Variants in IL1RAPL1 observed in about 807,000 individuals in gnomAD.
IL1RAPL1 encodes the protein interleukin-1 receptor accessory protein-like 1.
A neutral mutation model predicts 48.4 loss-of-function variants in IL1RAPL1; 3 were observed. That is an observed-to-expected ratio of 0.06 (90% CI 0.03 to 0.16). IL1RAPL1 has a LOEUF of 0.16. Ranked by LOEUF, IL1RAPL1 falls within the 10% of genes least tolerant of loss-of-function variation. The probability of loss-of-function intolerance (pLI) is 1.00; values close to 1 mark genes in which losing one functional copy is unlikely to be tolerated. For synonymous variants in IL1RAPL1, 185 were observed against 187.7 expected (o/e 0.99, Z 0.12); for missense variants, 349 against 530.6 (o/e 0.66, Z 3.36).
At chrX:29,399,123 T>A (rs375069613) in intron 4 of IL1RAPL1, 32 bp from the exon 5 acceptor site, 29 of 1,132,124 alleles carry the variant, frequency 2.6e-5, no homozygotes, top group African/African-American at 5.4e-5. Context: ...CATTACTATA[T>A]GTACTACCAA....
chrX:29,029,444 C>A (rs1000954057), intron 2 of IL1RAPL1, among the ~76,000 whole-genome samples: 3 of 111,609 alleles, frequency 2.7e-5, no homozygotes, highest in African/African-American at 9.8e-5. Flanking sequence ...ACTGCCCTTC[C>A]TACTCTTTTC....
intron 5 of IL1RAPL1, among the ~76,000 whole-genome samples, chrX:29,597,609 G>A (rs7473722): frequency 1.8e-5 from 2 of 112,048 alleles, no homozygotes; most frequent in Admixed American, 9.4e-5. Context: ...GAATAGTGTC[G>A]ATAGGATTGG....
At chrX:29,539,760 C>T (rs1326693757) in intron 5 of IL1RAPL1, among the ~76,000 whole-genome samples, 1 of 111,315 alleles carries the variant, frequency 9.0e-6, no homozygotes, top group Non-Finnish European at 1.9e-5. Context: ...TTATAAGTTT[C>T]CTGAGGCCTC....
chrX:28,606,898 T>G (rs1421231861), intron 1 of IL1RAPL1, among the ~76,000 whole-genome samples: 2 of 111,299 alleles, frequency 1.8e-5, no homozygotes, highest in Non-Finnish European at 3.8e-5. Context: ...TAGAAAAAAA[T>G]AAAAATGATT....
intron 2 of IL1RAPL1, among the ~76,000 whole-genome samples, chrX:29,186,700 GATA>G (rs774966507): frequency 1.2e-4 from 13 of 111,012 alleles, no homozygotes; most frequent in African/African-American, 2.0e-4. Flanking sequence ...TAATTATAAT[GATA>G]ATAATAGGTA....
chrX:28,687,795 A>AT (rs1249227481), intron 1 of IL1RAPL1, among the ~76,000 whole-genome samples: 58 of 103,158 alleles, frequency 5.6e-4, no homozygotes, highest in African/African-American at 2.0e-3. Flanking sequence ...AAAAAAAAAA[A>AT]AAAATAAAAT....
chrX:28,764,646 C>CA (rs11446696), intron 1 of IL1RAPL1, among the ~76,000 whole-genome samples: 51,642 of 110,604 alleles, frequency 0.47, 8,740 homozygotes, highest in Middle Eastern at 0.64. Context: ...TCTGTTAATT[C>CA]AAGTTACTCT....
intron 6 of IL1RAPL1, among the ~76,000 whole-genome samples, chrX:29,704,073 C>T (rs1038400445): frequency 5.4e-5 from 6 of 110,131 alleles, no homozygotes; most frequent in Non-Finnish European, 7.6e-5. Flanking sequence ...CAGGCACGCA[C>T]TATAATACCT....
At chrX:29,508,194 A>G (rs1167465144) in intron 5 of IL1RAPL1, among the ~76,000 whole-genome samples, 2 of 111,695 alleles carry the variant, frequency 1.8e-5, no homozygotes, top group African/African-American at 6.5e-5. Context: ...ATTAATGCAC[A>G]TAAGAAACAC....
rs1194621415 is a variant in IL1RAPL1, at chrX:29,920,099, G to A, written c.1057+5G>A. The A allele has an allele frequency of 2.5e-6, 3 of 1,211,326 alleles. No individual in the cohort carries two copies. The highest frequency in any genetic ancestry group is 3.4e-6 in the Non-Finnish European group (3 of 895,132). On this transcript the variant is annotated splice_donor_5th_base_variant and intron_variant, in intron 8 of 10. Coordinates refer to ENST00000378993, the MANE Select transcript of IL1RAPL1 (RefSeq NM_014271.4). ...GCGTTCTCCTTCATAAACGAGGTGA[G>A]TGTAACCTTCTAAGCTTCGGTGGTC...
intron 2 of IL1RAPL1, among the ~76,000 whole-genome samples, chrX:28,862,107 T>TA (rs1030873985): frequency 1.8e-5 from 2 of 112,151 alleles, no homozygotes; most frequent in African/African-American, 6.5e-5. Context: ...TCTAAAGTGT[T>TA]ACAAGCATTT....
chrX:29,243,325 G>A lies in IL1RAPL1; in HGVS notation c.83-39613G>A, dbSNP rs1485613839. ...AACCCAACCGCTGGCATCTGGCTCCGCAGCCACCCACCTTGCTTGGTTTGC... is the reference window on the plus strand; with the variant it reads ...AACCCAACCGCTGGCATCTGGCTCCACAGCCACCCACCTTGCTTGGTTTGC... On this transcript the variant is annotated intron_variant, in intron 2 of 10. Transcript: ENST00000378993. Among the ~76,000 whole-genome samples, 36 of 112,043 alleles carry A rather than the reference G, an allele frequency of 3.2e-4. No homozygotes were observed. In the Admixed American group the frequency reaches 3.4e-3, roughly 11 times the overall value.
chrX:28,842,141 T>C (rs942434392), intron 2 of IL1RAPL1, among the ~76,000 whole-genome samples: 3 of 110,565 alleles, frequency 2.7e-5, no homozygotes, highest in African/African-American at 9.8e-5. Context: ...TTTCTAGCCA[T>C]AATTTGGAAC....
intron 5 of IL1RAPL1, among the ~76,000 whole-genome samples, chrX:29,424,067 AATGATC>A (rs755978119): frequency 1.8e-5 from 2 of 111,638 alleles, no homozygotes; most frequent in South Asian, 7.4e-4. Context: ...GTATGAGATG[AATGATC>A]ATAAAGGGTG....
chrX:29,576,842 T>C (rs1226995391), intron 5 of IL1RAPL1, among the ~76,000 whole-genome samples: 1 of 111,347 alleles, frequency 9.0e-6, no homozygotes, highest in Admixed American at 9.6e-5. Context: ...TCTGGGGTTA[T>C]GAATTTAATT....
intron 1 of IL1RAPL1, among the ~76,000 whole-genome samples, chrX:28,720,932 A>ATTCTTT (rs1484457507): frequency 2.7e-5 from 3 of 109,937 alleles, no homozygotes; most frequent in Non-Finnish European, 5.8e-5. Context: ...ACATGAACTC[A>ATTCTTT]TTTATGGCTG....
intron 3 of IL1RAPL1, among the ~76,000 whole-genome samples, chrX:29,323,699 T>G (rs1417093446): frequency 4.1e-4 from 24 of 58,608 alleles, no homozygotes; most frequent in Non-Finnish European, 2.0e-4. Flanking sequence ...ACCTACCAAC[T>G]CATACTGAAT....
chrX:28,710,204 A>G (rs1215243832), intron 1 of IL1RAPL1, among the ~76,000 whole-genome samples: 1 of 111,686 alleles, frequency 9.0e-6, no homozygotes, highest in Non-Finnish European at 1.9e-5. Flanking sequence ...AGATCATACT[A>G]AACAAATCTC....
intron 8 of IL1RAPL1, among the ~76,000 whole-genome samples, chrX:29,938,412 G>GC (rs1933068959): frequency 9.0e-6 from 1 of 111,069 alleles, no homozygotes; most frequent in Non-Finnish European, 1.9e-5. Context: ...CCCCTGTGTA[G>GC]TGCCTCCAGA....
Sources: allele counts gnomAD v4.1 joint callset (sites outside exome capture counted in the v4.1 genomes callset), GRCh38; gene constraint gnomAD v4.1.1; transcripts MANE v1.5; gene names NCBI Gene and HGNC (gene_info 2026-07-23, HGNC 2026-07-21).